PMS1: variants seen among roughly 807,000 people sequenced by gnomAD.
The protein encoded by PMS1 is PMS1 protein homolog 1.
A neutral mutation model predicts 93.1 loss-of-function variants in PMS1; 79 were observed. That is an observed-to-expected ratio of 0.85 (90% confidence interval 0.71 to 1.02). The LOEUF (loss-of-function observed/expected upper bound fraction) is 1.02. PMS1 is among the 50% of genes least tolerant of loss of function. The probability of loss-of-function intolerance (pLI) is 0.00; values close to 1 mark genes in which losing one functional copy is unlikely to be tolerated. For missense variants in PMS1, 1,064 were observed against 1,085.3 expected, an observed-to-expected ratio of 0.98 and a Z score of 0.28; for synonymous variants, 335 against 363.4, an observed-to-expected ratio of 0.92 and a Z score of 0.89.
At chr2:189,824,160 C>T (rs2052216863) in intron 5 of PMS1, among the ~76,000 whole-genome samples, 1 of 152,118 alleles carries the variant, frequency 6.6e-6, no homozygotes, top group Non-Finnish European at 1.5e-5. Context: ...CAAACCTCAG[C>T]ATATGTGTTT....
chr2:189,803,541 C>T (rs1405377138), intron 3 of PMS1, among the ~76,000 whole-genome samples: 1 of 152,114 alleles, frequency 6.6e-6, no homozygotes, highest in Non-Finnish European at 1.5e-5. Context: ...TAAGAATCAC[C>T]AGTAATAGTG....
At chr2:189,874,824 CA>C (rs1286834466) in intron 12 of PMS1, among the ~76,000 whole-genome samples, 1 of 152,068 alleles carries the variant, frequency 6.6e-6, no homozygotes, top group African/African-American at 2.4e-5. Context: ...CTAGAGACTT[CA>C]AGGGAATATT....
In PMS1 at chr2:189,867,928, AG is replaced by A. The variant is rs2056803188; in HGVS notation, c.2473+1del. 2 of 1,608,678 alleles carry A rather than the reference AG, an allele frequency of 1.2e-6. No individual in the cohort carries two copies. Among genetic ancestry groups the A allele is most frequent in the African/African-American group, 1.3e-5 (1 of 74,840 alleles). On this transcript the variant is annotated frameshift_variant and splice_region_variant, in exon 11 of 13. Coordinates refer to ENST00000441310, the MANE Select transcript of PMS1 (RefSeq NM_000534.5). LOFTEE classifies it high-confidence loss of function. Reference protein sequence around the residue: ...ANGFKIKLIPGVSITENYLEI... With the variant: ...ANGFKIKLIPXVSITENYLEI... ...ATGGTTTCAAGATAAAATTGATACC[AG>A]GTATGATAGTGTGGTTTAATATTTT...
intron 9 of PMS1, chr2:189,857,653 T>C (rs2055492665): frequency 5.7e-6 from 2 of 348,532 alleles, no homozygotes; most frequent in South Asian, 4.8e-5. Context: ...CTAGGAAATA[T>C]TAAGGGTTTT....
intron 5 of PMS1, among the ~76,000 whole-genome samples, chr2:189,832,718 G>C (rs927940662): frequency 3.9e-5 from 6 of 152,054 alleles, no homozygotes; most frequent in Non-Finnish European, 7.4e-5. Flanking sequence ...ACCACACCTG[G>C]TCACGTTTTC....
At chr2:189,875,863 A>G (rs2057513530) in intron 12 of PMS1, among the ~76,000 whole-genome samples, 1 of 149,876 alleles carries the variant, frequency 6.7e-6, no homozygotes, top group African/African-American at 2.5e-5. Flanking sequence ...TGAGTGAGGC[A>G]GGAGAACTGC....
chr2:189,822,613 A>G (rs557105834), intron 5 of PMS1, among the ~76,000 whole-genome samples: 7 of 152,332 alleles, frequency 4.6e-5, no homozygotes, highest in African/African-American at 1.7e-4. Context: ...ATAATAGAAC[A>G]TAAATTCATC....
At chr2:189,804,812 G>T (rs896260552) in intron 3 of PMS1, among the ~76,000 whole-genome samples, 2 of 151,974 alleles carry the variant, frequency 1.3e-5, no homozygotes, top group Non-Finnish European at 2.9e-5. Flanking sequence ...CCCAATTTTG[G>T]GTCATCATTG....
chr2:189,869,703 G>A (rs979835140), intron 11 of PMS1, among the ~76,000 whole-genome samples: 16 of 151,902 alleles, frequency 1.1e-4, no homozygotes, highest in Non-Finnish European at 1.3e-4. Context: ...TATGATCCCA[G>A]CTACTTGGGA....
intron 5 of PMS1, among the ~76,000 whole-genome samples, chr2:189,842,100 C>G (rs1234212328): frequency 6.6e-6 from 1 of 151,646 alleles, no homozygotes; most frequent in Non-Finnish European, 1.5e-5. Context: ...ATATCCTCCC[C>G]ATAGTCACTA....
chr2:189,873,721 A>G, intron 12 of PMS1, 65 bp downstream of exon 12: 1 of 1,214,208 alleles, frequency 8.2e-7, no homozygotes, highest in Non-Finnish European at 1.2e-6. Context: ...CAAGCCGGTT[A>G]GGAACCAGGC....
rs972672920 is a variant in PMS1 at position 189,809,447 on chromosome 2, C to CTTTTTTTTTTTTTTTTTTTT, written c.418+3701_418+3720dup. On this transcript the variant is annotated intron_variant, in intron 4 of 12. Coordinates refer to ENST00000441310, the MANE Select transcript of PMS1 (RefSeq NM_000534.5). ...TTGGTGCTTTTAAGGAAGCACATTT[C>CTTTTTTTTTTTTTTTTTTTT]TTTTTTTTTTTTTTTTTTTTTTTTT... Among the ~76,000 whole-genome samples the CTTTTTTTTTTTTTTTTTTTT allele has an allele frequency of 6.3e-4, 40 of 63,456 alleles. 5 individuals are homozygous for CTTTTTTTTTTTTTTTTTTTT. The highest frequency in any genetic ancestry group is 8.8e-4 in the African/African-American group (16 of 18,120). 41.6% of individuals were successfully genotyped at this position (63,456 alleles called of 152,430 possible).
chr2:189,843,815 G>C, intron 5 of PMS1, 149 bp from the exon 6 acceptor site: 2 of 696,804 alleles, frequency 2.9e-6, no homozygotes, highest in Non-Finnish European at 2.5e-6. Context: ...AGTTTCTTCT[G>C]TCAGACCTCA....
At chr2:189,826,741 T>C (rs1452360387) in intron 5 of PMS1, among the ~76,000 whole-genome samples, 1 of 152,202 alleles carries the variant, frequency 6.6e-6, no homozygotes. Context: ...TTTGCATTCT[T>C]TCTTTCCTAT....
At chr2:189,803,833 G>A (rs780616499) in intron 3 of PMS1, among the ~76,000 whole-genome samples, 7 of 152,026 alleles carry the variant, frequency 4.6e-5, no homozygotes, top group Non-Finnish European at 1.0e-4. Flanking sequence ...ATACGTTTTC[G>A]TAGTATTCTA....
chr2:189,848,428 A>G (rs1232392569), intron 6 of PMS1, among the ~76,000 whole-genome samples: 1 of 152,200 alleles, frequency 6.6e-6, no homozygotes, highest in African/African-American at 2.4e-5. Context: ...GTCAGCTATG[A>G]TTTCATGAGT....
chr2:189,852,579 C>A, intron 6 of PMS1, 76 bp from the exon 7 acceptor site: 1 of 1,263,038 alleles, frequency 7.9e-7, no homozygotes, highest in Non-Finnish European at 1.1e-6. Context: ...TTTTTTTATA[C>A]CTTTCAAAGT....
intron 9 of PMS1, among the ~76,000 whole-genome samples, chr2:189,858,086 A>G (rs1316595205): frequency 1.3e-5 from 2 of 152,166 alleles, no homozygotes; most frequent in Non-Finnish European, 2.9e-5. Context: ...AAGGAGTAGG[A>G]TCAGGATTGT....
At chr2:189,873,166 C>G (rs751007599) in intron 11 of PMS1, among the ~76,000 whole-genome samples, 12 of 152,196 alleles carry the variant, frequency 7.9e-5, no homozygotes, top group Non-Finnish European at 1.8e-4. Context: ...TGTTAAAACA[C>G]TTAAACCAGT....
Sources: allele counts gnomAD v4.1 joint callset (sites outside exome capture counted in the v4.1 genomes callset), GRCh38; gene constraint gnomAD v4.1.1; transcripts MANE v1.5; gene names NCBI Gene and HGNC (gene_info 2026-07-23, HGNC 2026-07-21).